CCDC178: variants seen among roughly 807,000 people sequenced by gnomAD.
The protein encoded by CCDC178 is coiled-coil domain-containing protein 178.
In CCDC178, 126 loss-of-function variants were observed where a neutral mutation model predicts 117.4. The ratio of observed to expected loss-of-function variants is 1.07; its 90% CI spans 0.93 to 1.24. CCDC178 has a LOEUF of 1.24. Ranked by LOEUF, CCDC178 falls within the 50% of genes most tolerant of loss-of-function variation. The probability of loss-of-function intolerance (pLI) is 0.00; values close to 1 mark genes in which losing one functional copy is unlikely to be tolerated. For synonymous variants in CCDC178, 283 were observed against 313.4 expected (o/e 0.90, Z 1.02); for missense variants, 1,030 against 986.9 (o/e 1.04, Z -0.59).
chr18:33,413,944 T>C (rs762869538), intron 2 of CCDC178, among the ~76,000 whole-genome samples: 5 of 152,044 alleles, frequency 3.3e-5, no homozygotes, highest in African/African-American at 4.8e-5. Flanking sequence ...ACCCGGGTAA[T>C]TCCAAATCTC....
Position 33,293,167 on chromosome 18 carries a change from A to T in CCDC178, c.1168T>A (p.Ser390Thr). Residue 390 changes from serine to threonine, a missense_variant, in exon 12 of 23, where the codon TCA becomes ACA. Transcript: ENST00000383096. ...TAATATGAAAAACTCACCATTTTTG[A>T]TAGAGAATGTAATTCATTTTTTGAT... ...KSSKNELHSL[S>T]KMLEDLRRVY... 6.4e-7 allele frequency: 1 copy of T among 1,568,372 alleles called. No individual in the cohort carries two copies. Among genetic ancestry groups the T allele is most frequent in the East Asian group, 2.3e-5 (1 of 44,034 alleles).
intron 21 of CCDC178, among the ~76,000 whole-genome samples, chr18:33,001,870 C>G (rs2055641341): frequency 6.6e-6 from 1 of 152,190 alleles, no homozygotes; most frequent in Non-Finnish European, 1.5e-5. Flanking sequence ...CAAAAAAGAA[C>G]AGTAGTAGCT....
At chr18:32,975,592 T>A (rs931479926) in intron 21 of CCDC178, among the ~76,000 whole-genome samples, 1 of 152,130 alleles carries the variant, frequency 6.6e-6, no homozygotes, top group Non-Finnish European at 1.5e-5. Context: ...ACATTTATAA[T>A]GAATGCTTAT....
At chr18:33,311,860 C>T (rs1281655537) in intron 11 of CCDC178, among the ~76,000 whole-genome samples, 1 of 152,148 alleles carries the variant, frequency 6.6e-6, no homozygotes, top group Non-Finnish European at 1.5e-5. Flanking sequence ...TTTGAACACC[C>T]CCTGGGGCAG....
chr18:33,147,356 A>ATTTTTTTTTTTTTTTTTTTTTTTTTT (rs575608507), intron 20 of CCDC178, among the ~76,000 whole-genome samples: 4 of 94,618 alleles, frequency 4.2e-5, no homozygotes, highest in African/African-American at 1.4e-4. Context: ...TGCCTTTTTA[A>ATTTTTTTTTTTTTTTTTTTTTTTTTT]TTTTTTTTTT....
chr18:33,164,973 T>C (rs1315555794), intron 20 of CCDC178, among the ~76,000 whole-genome samples: 1 of 152,212 alleles, frequency 6.6e-6, no homozygotes, highest in African/African-American at 2.4e-5. Flanking sequence ...TGTGGAGTTA[T>C]GCAGGTCTTC....
chr18:33,108,786 G>A lies in CCDC178; in HGVS notation c.2239-15876C>T, dbSNP rs191179436. On this transcript the variant is annotated intron_variant, in intron 20 of 22. Transcript: ENST00000383096. ...TAACTAATTAGCAAACTATATAAACGGTTTTTTAAAAAAAGTGTGTACTTT... is the reference window on the plus strand; with the variant it reads ...TAACTAATTAGCAAACTATATAAACAGTTTTTTAAAAAAAGTGTGTACTTT... Among the ~76,000 whole-genome samples the A allele has an allele frequency of 4.6e-5, 7 of 151,370 alleles. 1 individual carries two copies. The highest frequency in any genetic ancestry group is 1.3e-4 in the Admixed American group (2 of 15,144).
intron 20 of CCDC178, among the ~76,000 whole-genome samples, chr18:33,104,326 C>T (rs1299821861): frequency 1.3e-5 from 2 of 151,666 alleles, no homozygotes; most frequent in Non-Finnish European, 1.5e-5. Flanking sequence ...ACCAACTAGC[C>T]TCAATCAGAA....
chr18:32,972,934 A>G (rs936701602), intron 22 of CCDC178, among the ~76,000 whole-genome samples: 18 of 152,076 alleles, frequency 1.2e-4, no homozygotes, highest in African/African-American at 4.3e-4. Context: ...AGATAAGAAA[A>G]TGAGGCACTA....
chr18:33,020,115 G>GTTTTTT (rs749754333), intron 21 of CCDC178, among the ~76,000 whole-genome samples: 1 of 142,162 alleles, frequency 7.0e-6, no homozygotes, highest in African/African-American at 2.7e-5. Flanking sequence ...CCGGATAATT[G>GTTTTTT]GTTTTTTTTT....
At chr18:33,225,194 GCT>G (rs1431286664) in intron 16 of CCDC178, among the ~76,000 whole-genome samples, 1 of 151,302 alleles carries the variant, frequency 6.6e-6, no homozygotes, top group Non-Finnish European at 1.5e-5. Flanking sequence ...GCAGAGTCTT[GCT>G]CTGTCACCCA....
intron 11 of CCDC178, among the ~76,000 whole-genome samples, chr18:33,305,588 C>T (rs887283625): frequency 5.3e-5 from 8 of 152,124 alleles, no homozygotes; most frequent in African/African-American, 1.9e-4. Flanking sequence ...AAATGACCTG[C>T]CAGTACGTCT....
intron 12 of CCDC178, among the ~76,000 whole-genome samples, chr18:33,275,049 A>C (rs761001291): frequency 1.3e-5 from 2 of 152,098 alleles, no homozygotes; most frequent in Admixed American, 6.6e-5. Flanking sequence ...CTAAAATCAA[A>C]TAGTATGCCA....
rs370160468 is a variant in CCDC178 at position 33,210,678 on chromosome 18, G to A, written c.2238+1218C>T. ...CTTAAGCCTTCTTGCTTTGAGAGGT[G>A]CATTGGAGTCTAAGCTTCCTCCAAT... On this transcript the variant is annotated intron_variant, in intron 20 of 22. Transcript: ENST00000383096. 3.9e-5 allele frequency among the ~76,000 whole-genome samples: 6 copies of A among 152,044 alleles called. No individual in the cohort carries two copies. In the South Asian group the frequency reaches 1.0e-3, roughly 26 times the overall value.
At chr18:33,287,370 A>G (rs1289727232) in intron 12 of CCDC178, among the ~76,000 whole-genome samples, 1 of 152,240 alleles carries the variant, frequency 6.6e-6, no homozygotes, top group African/African-American at 2.4e-5. Flanking sequence ...AAAAATTAAT[A>G]TATCTAAACT....
intron 15 of CCDC178, among the ~76,000 whole-genome samples, chr18:33,227,681 G>A (rs8085151): frequency 0.021 from 3,102 of 151,244 alleles, 61 homozygotes; most frequent in Middle Eastern, 0.051. Flanking sequence ...TCATATCCCA[G>A]GGTCTATAGA....
intron 11 of CCDC178, among the ~76,000 whole-genome samples, chr18:33,319,432 C>T (rs7231054): frequency 0.27 from 40,511 of 151,846 alleles, 5,715 homozygotes; most frequent in East Asian, 0.48. Context: ...TTCTTAATCC[C>T]GTCCATCATT....
rs868471294 is a variant in CCDC178, at chr18:33,066,628, C to T, written c.2388+26133G>A. Among the ~76,000 whole-genome samples, 7 of 152,148 alleles carry T rather than the reference C, an allele frequency of 4.6e-5. No homozygotes were observed. The South Asian group carries it at 1.2e-3, about 27-fold the overall frequency. On this transcript the variant is annotated intron_variant, in intron 21 of 22. Coordinates refer to ENST00000383096, the MANE Select transcript of CCDC178 (RefSeq NM_001105528.4). ...GAAATTCACTTCATCTGAAAAGACA[C>T]ATGTAAATGGAAAGTGAAGGGATGG...
chr18:33,350,295 T>C (rs1396947632), intron 7 of CCDC178, among the ~76,000 whole-genome samples: 1 of 152,098 alleles, frequency 6.6e-6, no homozygotes, highest in Non-Finnish European at 1.5e-5. Flanking sequence ...TGAGCCAAAG[T>C]CTCATAACAT....
Sources: allele counts gnomAD v4.1 joint callset (sites outside exome capture counted in the v4.1 genomes callset), GRCh38; gene constraint gnomAD v4.1.1; transcripts MANE v1.5; gene names NCBI Gene and HGNC (gene_info 2026-07-23, HGNC 2026-07-21).